The following DAB1 variants were observed in gnomAD, a reference collection of about 807,000 sequenced individuals.
The protein encoded by DAB1 is DAB adaptor protein 1, also known as disabled homolog 1.
Under a neutral mutation model 64.6 loss-of-function variants are expected in DAB1, and 15 were observed. The observed-to-expected ratio is 0.23, with a 90% confidence interval of 0.16 to 0.36. The LOEUF is 0.36. Ranked by LOEUF, DAB1 falls within the 10% of genes least tolerant of loss-of-function variation. The probability of loss-of-function intolerance (pLI) is 1.00; values close to 1 mark genes in which losing one functional copy is unlikely to be tolerated. For missense variants in DAB1, 596 were observed against 706.7 expected (o/e 0.84, Z 1.78); for synonymous variants, 235 against 251.9 (o/e 0.93, Z 0.64).
chr1:57,104,529 A>T (rs1163451961), intron 4 of DAB1, among the ~76,000 whole-genome samples: 4 of 152,180 alleles, frequency 2.6e-5, no homozygotes, highest in African/African-American at 9.7e-5. Flanking sequence ...ATGACCTGTT[A>T]TTTTAATCTA....
chr1:57,576,565 G>C (rs1645251868), intron 7 of DAB1, among the ~76,000 whole-genome samples: 2 of 152,138 alleles, frequency 1.3e-5, no homozygotes, highest in Non-Finnish European at 2.9e-5. Context: ...AGACAAGGAA[G>C]GATTATCTCC....
chr1:58,428,414 A>G (rs1228214414), intron 3 of DAB1, among the ~76,000 whole-genome samples: 1 of 152,360 alleles, frequency 6.6e-6, no homozygotes, highest in Middle Eastern at 3.4e-3. Flanking sequence ...CAAACTCCTA[A>G]CACAAACAAC....
At chr1:57,420,376 T>C (rs1422482688) in intron 1 of DAB1, among the ~76,000 whole-genome samples, 1 of 152,192 alleles carries the variant, frequency 6.6e-6, no homozygotes, top group Non-Finnish European at 1.5e-5. Flanking sequence ...TTACCAAATC[T>C]TCCTGTGCCC....
chr1:57,379,042 T>A (rs1199813727), intron 1 of DAB1, among the ~76,000 whole-genome samples: 1 of 152,166 alleles, frequency 6.6e-6, no homozygotes, highest in Admixed American at 6.6e-5. Context: ...TAGAACTAAC[T>A]TGAAGTCTTT....
chr1:57,373,264 A>C (rs1364135680), intron 1 of DAB1, among the ~76,000 whole-genome samples: 3 of 152,186 alleles, frequency 2.0e-5, no homozygotes, highest in Non-Finnish European at 4.4e-5. Context: ...GGTTTGTTGG[A>C]TCCATCCCTC....
chr1:57,245,885 T>G (rs1479817335), intron 2 of DAB1, among the ~76,000 whole-genome samples: 1 of 152,202 alleles, frequency 6.6e-6, no homozygotes, highest in Non-Finnish European at 1.5e-5. Context: ...TTGAACTAAT[T>G]TACACTCTCT....
chr1:58,315,724 G>A (rs2100479054), intron 4 of DAB1, among the ~76,000 whole-genome samples: 1 of 152,272 alleles, frequency 6.6e-6, no homozygotes, highest in Non-Finnish European at 1.5e-5. Flanking sequence ...GCATCCTCAA[G>A]ATGGGGATGC....
chr1:57,657,918 C>G (rs1373410473), intron 6 of DAB1, among the ~76,000 whole-genome samples: 1 of 152,120 alleles, frequency 6.6e-6, no homozygotes, highest in Non-Finnish European at 1.5e-5. Context: ...ATCTTCGACC[C>G]CTAGTAGCTT....
At chr1:58,465,577 G>A (rs338249) in intron 3 of DAB1, among the ~76,000 whole-genome samples, 3,537 of 152,228 alleles carry the variant, frequency 0.023, 137 homozygotes, top group African/African-American at 0.08. Context: ...GATGGTGAAG[G>A]ATTTAGGACA....
intron 5 of DAB1, among the ~76,000 whole-genome samples, chr1:57,996,248 G>A (rs554422896): frequency 6.6e-6 from 1 of 152,082 alleles, no homozygotes; most frequent in Non-Finnish European, 1.5e-5. Flanking sequence ...CACAGAGTGA[G>A]ACTTTGTCTC....
chr1:57,894,662 G>A (rs1644367713), intron 5 of DAB1, among the ~76,000 whole-genome samples: 1 of 152,100 alleles, frequency 6.6e-6, no homozygotes, highest in Admixed American at 6.6e-5. Context: ...AAACTCGAAG[G>A]GTTTAAGCAG....
At position 58,375,088 on chromosome 1, in the gene DAB1, G is replaced by A. The variant is rs1287816534; in HGVS notation, n.258-31685C>T. Among the ~76,000 whole-genome samples, 547 of 144,868 alleles carry A rather than the reference G, an allele frequency of 3.8e-3. 2 individuals are homozygous for A. The highest frequency in any genetic ancestry group is 0.013 in the African/African-American group (495 of 37,756). Reference sequence around the variant, plus strand: ...GCTTAAGGAGATTTTGGGCTGAGACGATGGGGTTTTCTAGATAAACAATCA... The same window carrying A: ...GCTTAAGGAGATTTTGGGCTGAGACAATGGGGTTTTCTAGATAAACAATCA... On this transcript the variant is annotated intron_variant and non_coding_transcript_variant, in intron 3 of 20. Coordinates refer to the DAB1 transcript ENST00000485760.
chr1:57,010,230 G>C (rs1646221862), intron 14 of DAB1, among the ~76,000 whole-genome samples: 1 of 152,146 alleles, frequency 6.6e-6, no homozygotes, highest in Admixed American at 6.5e-5. Context: ...GAAATTATCA[G>C]GGTGGGCAGA....
chr1:58,244,223 T>G (rs6663243), intron 4 of DAB1, among the ~76,000 whole-genome samples: 1 of 151,858 alleles, frequency 6.6e-6, no homozygotes, highest in South Asian at 2.1e-4. Context: ...GGTAGACAGT[T>G]AAAACAGCTG....
chr1:57,502,192 C>T (rs888625757), intron 7 of DAB1, among the ~76,000 whole-genome samples: 2 of 151,694 alleles, frequency 1.3e-5, no homozygotes, highest in Non-Finnish European at 2.9e-5. Flanking sequence ...TGGTGGCGGG[C>T]GCCTGCAGTC....
chr1:57,973,428 C>T (rs1014025713), intron 5 of DAB1, among the ~76,000 whole-genome samples: 1 of 152,140 alleles, frequency 6.6e-6, no homozygotes, highest in Non-Finnish European at 1.5e-5. Flanking sequence ...AGATTTGTGG[C>T]AATTTGTTAC....
intron 1 of DAB1, among the ~76,000 whole-genome samples, chr1:57,393,582 G>T (rs1232496053): frequency 6.6e-6 from 1 of 152,092 alleles, no homozygotes; most frequent in East Asian, 1.9e-4. Context: ...TGTAGTCCCA[G>T]TTTGAGCCCA....
intron 5 of DAB1, among the ~76,000 whole-genome samples, chr1:57,919,057 C>A (rs1644773010): frequency 6.6e-6 from 1 of 152,194 alleles, no homozygotes; most frequent in African/African-American, 2.4e-5. Flanking sequence ...ATAACCCAGG[C>A]TTTGGAGTAA....
At chr1:57,400,858 A>G (rs1370095900) in intron 1 of DAB1, among the ~76,000 whole-genome samples, 1 of 151,934 alleles carries the variant, frequency 6.6e-6, no homozygotes, top group African/African-American at 2.4e-5. Flanking sequence ...CTCAAACCTA[A>G]TTTTCTAGAG....
Sources: allele counts gnomAD v4.1 joint callset (sites outside exome capture counted in the v4.1 genomes callset), GRCh38; gene constraint gnomAD v4.1.1; transcripts MANE v1.5; gene names NCBI Gene and HGNC (gene_info 2026-07-23, HGNC 2026-07-21).